The following HTR5A variants were observed in gnomAD, a reference collection of about 807,000 sequenced individuals.
HTR5A encodes the protein 5-hydroxytryptamine receptor 5A.
In HTR5A, 21 loss-of-function variants were observed where a neutral mutation model predicts 24.3. The observed-to-expected ratio is 0.86, with a 90% CI of 0.61 to 1.24. The LOEUF is 1.24. Among genes scored for constraint, HTR5A ranks in the 50% most tolerant of loss-of-function variants. The pLI is 0.00. For synonymous variants in HTR5A, 260 were observed against 213.7 expected, an observed-to-expected ratio of 1.22 and a Z score of -1.89; for missense variants, 497 against 489.5, an observed-to-expected ratio of 1.02 and a Z score of -0.15.
chr7:155,084,203 G>A lies in HTR5A; in HGVS notation c.790G>A (p.Ala264Thr), dbSNP rs150067714. The A allele has an allele frequency of 1.4e-4, 225 of 1,613,762 alleles. No homozygotes were observed. The highest frequency in any genetic ancestry group is 8.8e-4 in the African/African-American group (66 of 75,002). Residue 264 changes from alanine (A) to threonine (T), a missense_variant, in exon 2 of 2, where the codon GCC becomes ACC. Transcript: ENST00000287907. Reference protein sequence around the residue: ...QPQMVFTVRHATVTFQPEGDT... With the variant: ...QPQMVFTVRHTTVTFQPEGDT... ...CCAGATGGTGTTCACGGTCCGCCAC[G>A]CCACCGTCACCTTCCAGCCAGAAGG...
intron 1 of HTR5A, among the ~76,000 whole-genome samples, chr7:155,083,624 A>G (rs1238269366): frequency 6.6e-6 from 1 of 152,224 alleles, no homozygotes; most frequent in Admixed American, 6.5e-5. Flanking sequence ...ATAGACCCAG[A>G]GAGAGGTGTC....
Position 155,070,636 on chromosome 7 carries a change from G to T in HTR5A, c.-264G>T, listed in dbSNP as rs1795277929. The T allele has an allele frequency of 3.8e-6, 2 of 520,002 alleles. No individual in the cohort carries two copies. The allele number at this position is 520,002 out of a possible 1,614,324, so 32.2% of individuals were successfully genotyped here. On this transcript the variant is annotated 5_prime_UTR_variant, in exon 1 of 2. It adds an upstream start codon to the 5' untranslated region. Transcript: ENST00000287907. ...GGAGCCCTGGGCTCCTGACAGCTTA[G>T]GCGGGCCCTGGCTGCGACACGCAGC...
In HTR5A at chr7:155,085,644, A is replaced by T. The variant is rs530880099; in HGVS notation, c.*1157A>T. 3 of 152,270 alleles carry T rather than the reference A, an allele frequency of 2.0e-5. No homozygotes were observed. The highest frequency in any genetic ancestry group is 4.1e-4 in the South Asian group (2 of 4,820). 9.4% of individuals were successfully genotyped at this position (152,270 alleles called of 1,614,324 possible). A position where few individuals can be genotyped will look rare whatever the true frequency, so the allele number is the denominator to read the frequency against. On this transcript the variant is annotated 3_prime_UTR_variant, in exon 2 of 2. Coordinates refer to ENST00000287907, the MANE Select transcript of HTR5A (RefSeq NM_024012.4). ...TGGATGATCATGTAAAACCAGTGTC[A>T]TTACACAAAACTTAAAAAAAAATCC...
At chr7:155,073,669 A>G (rs1490773776) in intron 1 of HTR5A, among the ~76,000 whole-genome samples, 1 of 151,812 alleles carries the variant, frequency 6.6e-6, no homozygotes, top group Non-Finnish European at 1.5e-5. Flanking sequence ...TATTCAGGCA[A>G]ATATAATTTA....
At chr7:155,073,202 T>C (rs1248887485) in intron 1 of HTR5A, among the ~76,000 whole-genome samples, 1 of 151,608 alleles carries the variant, frequency 6.6e-6, no homozygotes, top group Non-Finnish European at 1.5e-5. Flanking sequence ...GCGCCTGTAG[T>C]CCCAGCTACT....
chr7:155,073,917 G>GTA (rs10676344), intron 1 of HTR5A, among the ~76,000 whole-genome samples: 3,241 of 130,454 alleles, frequency 0.025, 175 homozygotes, highest in African/African-American at 0.1. Context: ...ATATATATAT[G>GTA]TATATATATA....
rs569514306 is a variant in HTR5A at position 155,087,225 on chromosome 7, G to C, written c.*2738G>C. Reference sequence around the variant, plus strand: ...GACCATATTGTAGGGATTAATTCTTGATAAAAAAAAAGCTTGTTATTTCTC... The same window carrying C: ...GACCATATTGTAGGGATTAATTCTTCATAAAAAAAAAGCTTGTTATTTCTC... On this transcript the variant is annotated 3_prime_UTR_variant, in exon 2 of 2. Coordinates refer to ENST00000287907, the MANE Select transcript of HTR5A (RefSeq NM_024012.4). 9.0e-5 allele frequency among the ~76,000 whole-genome samples: 6 copies of C among 66,478 alleles called. No homozygotes were observed. In the East Asian group the frequency reaches 3.0e-3, roughly 33 times the overall value. 43.6% of individuals were successfully genotyped at this position (66,478 alleles called of 152,430 possible). A position where few individuals can be genotyped will look rare whatever the true frequency, so the allele number is the denominator to read the frequency against.
In HTR5A at chr7:155,084,275, G is replaced by A. The variant is rs1394757118; in HGVS notation, c.862G>A (p.Gly288Ser). 1 of 1,614,110 alleles carries A rather than the reference G, an allele frequency of 6.2e-7. No homozygotes were observed. The highest frequency in any genetic ancestry group is 8.5e-7 in the Non-Finnish European group (1 of 1,180,012). Residue 288 changes from glycine to serine, a missense_variant, in exon 2 of 2, where the codon GGC (glycine) becomes AGC (serine). Physicochemically the swap from Gly to Ser is moderately conservative, Grantham distance 56 (BLOSUM62 0). Coordinates refer to ENST00000287907, the MANE Select transcript of HTR5A (RefSeq NM_024012.4). ...QKEQRAALMV[G>S]ILIGVFVLCW... is the part of the protein sequence containing the mutation. ...GGAGCAGCGGGCCGCCCTCATGGTG[G>A]GCATCCTCATTGGCGTGTTCGTGCT...
At chr7:155,078,751 C>CTTCTTT (rs373271702) in intron 1 of HTR5A, among the ~76,000 whole-genome samples, 1 of 139,222 alleles carries the variant, frequency 7.2e-6, no homozygotes, top group East Asian at 2.1e-4. Context: ...TTCTGTGCTT[C>CTTCTTT]TTTTTTTTTT....
intron 1 of HTR5A, among the ~76,000 whole-genome samples, chr7:155,079,604 T>C (rs6953300): frequency 0.023 from 3,507 of 152,352 alleles, 135 homozygotes; most frequent in African/African-American, 0.077. Context: ...ATTCATCAGA[T>C]GTTTTTCATT....
rs542112656 is a variant in HTR5A at position 155,071,054 on chromosome 7, C to T, written c.155C>T (p.Ala52Val). 6 of 1,610,036 alleles carry T rather than the reference C, an allele frequency of 3.7e-6. No homozygotes were observed. The highest frequency in any genetic ancestry group is 3.3e-5 in the South Asian group (3 of 91,090). The change falls in exon 1 of 2, where the codon GCG becomes GTG. Residue 52 changes from alanine to valine, a missense_variant. Ala to Val is a moderately conservative substitution (Grantham distance 64). Coordinates refer to ENST00000287907, the MANE Select transcript of HTR5A (RefSeq NM_024012.4). ...LILTLLGFLV[A>V]ATFAWNLLVL... Reference sequence around the variant, plus strand: ...CTCACCTTGCTGGGCTTTCTGGTGGCGGCGACGTTCGCCTGGAACCTGCTG... The same window carrying T: ...CTCACCTTGCTGGGCTTTCTGGTGGTGGCGACGTTCGCCTGGAACCTGCTG...
rs775384314 is a variant in HTR5A at position 155,070,475 on chromosome 7, G to C, written c.-425G>C. 472 of 406,166 alleles carry C rather than the reference G, an allele frequency of 1.2e-3. 1 individual carries two copies. Among genetic ancestry groups the C allele is most frequent in the Middle Eastern group, 1.8e-3 (5 of 2,794 alleles). 25.2% of individuals were successfully genotyped at this position (406,166 alleles called of 1,614,324 possible). A position where few individuals can be genotyped will look rare whatever the true frequency, so the allele number is the denominator to read the frequency against. On this transcript the variant is annotated 5_prime_UTR_variant, in exon 1 of 2. Coordinates refer to ENST00000287907, the MANE Select transcript of HTR5A (RefSeq NM_024012.4). ...CTGCCTAGAGAGAAGGGTGGGCAGG[G>C]AGACAACGCGGTGAGAGCGACTGCT...
Position 155,071,305 on chromosome 7 carries a change from G to A in HTR5A, c.406G>A (p.Ala136Thr). Residue 136 changes from alanine to threonine, a missense_variant, in exon 1 of 2, where the codon GCC (alanine) becomes ACC (threonine). By Grantham distance (58) the Ala-to-Thr change is moderately conservative. Coordinates refer to ENST00000287907, the MANE Select transcript of HTR5A (RefSeq NM_024012.4). ...CAGCATCTGGAACGTGACGGCCATAGCCCTGGACCGCTACTGGTCCATCAC... is the reference window on the plus strand; with the variant it reads ...CAGCATCTGGAACGTGACGGCCATAACCCTGGACCGCTACTGGTCCATCAC... ...TASIWNVTAI[A>T]LDRYWSITRH... 1 of 1,610,900 alleles carries A rather than the reference G, an allele frequency of 6.2e-7. No homozygotes were observed. Among genetic ancestry groups the A allele is most frequent in the Non-Finnish European group, 8.5e-7 (1 of 1,180,032 alleles).
rs554013571 is a variant in HTR5A at position 155,073,741 on chromosome 7, C to T, written c.741+2101C>T. Among the ~76,000 whole-genome samples the T allele has an allele frequency of 2.6e-5, 4 of 151,598 alleles. No homozygotes were observed. In the South Asian group the frequency reaches 8.4e-4, roughly 32 times the overall value. On this transcript the variant is annotated intron_variant, in intron 1 of 1. Coordinates refer to ENST00000287907, the MANE Select transcript of HTR5A (RefSeq NM_024012.4). ...TAATTACAATTCCATCCCAAGGCTT[C>T]CTGTAAAAGGATGAAGGGCACTCTC...
rs10676343 is a variant in HTR5A at position 155,073,903 on chromosome 7, A to ATGTGTG, written c.741+2264_741+2265insGTGTGT. On this transcript the variant is annotated intron_variant, in intron 1 of 1. Coordinates refer to ENST00000287907, the MANE Select transcript of HTR5A (RefSeq NM_024012.4). ...TATATATATATGTATATATATATAT[A>ATGTGTG]TATATATATATATGTATATATATAT... Among the ~76,000 whole-genome samples, 386 of 128,306 alleles carry ATGTGTG rather than the reference A, an allele frequency of 3.0e-3. 21 individuals carry two copies. The highest frequency in any genetic ancestry group is 8.0e-3 in the Middle Eastern group (2 of 250). 84.2% of individuals were successfully genotyped at this position (128,306 alleles called of 152,430 possible).
rs1563424138 is a variant in HTR5A, at chr7:155,085,309, G to A, written c.*822G>A. ...ATTTGCTACTGGTTTCACGCGCGTG[G>A]ACTATATTCCAGTGTTTCTAGTCAA... On this transcript the variant is annotated 3_prime_UTR_variant, in exon 2 of 2. Transcript: ENST00000287907. 1.1e-5 allele frequency: 1 copy of A among 90,632 alleles called. No individual in the cohort carries two copies. Among genetic ancestry groups the A allele is most frequent in the African/African-American group, 2.7e-5 (1 of 36,540 alleles). The allele number at this position is 90,632 out of a possible 1,614,324, so 5.6% of individuals were successfully genotyped here. A position where few individuals can be genotyped will look rare whatever the true frequency, so the allele number is the denominator to read the frequency against.
In HTR5A at chr7:155,085,358, G is replaced by GAC. The variant is rs747194756; in HGVS notation, c.*872_*873insCA. ...AAAGACCTTTATCCTCAAATCATGA[G>GAC]ATTAGAGTAAAACAACTGCTGTAAG... On this transcript the variant is annotated 3_prime_UTR_variant, in exon 2 of 2. Transcript: ENST00000287907. 1 of 99,604 alleles carries GAC rather than the reference G, an allele frequency of 1.0e-5. No homozygotes were observed. Among genetic ancestry groups the GAC allele is most frequent in the Non-Finnish European group, 2.8e-5 (1 of 35,786 alleles). 6.2% of individuals were successfully genotyped at this position (99,604 alleles called of 1,614,324 possible). A position where few individuals can be genotyped will look rare whatever the true frequency, so the allele number is the denominator to read the frequency against.
At position 155,071,327 on chromosome 7, in the gene HTR5A, T is replaced by C. The variant is rs758848536; in HGVS notation, c.428T>C (p.Ile143Thr). The C allele has an allele frequency of 8.1e-6, 13 of 1,612,524 alleles. 1 individual carries two copies. The South Asian group carries it at 1.3e-4, about 16-fold the overall frequency. ...TAIALDRYWS[I>T]TRHMEYTLRT... ...ATAGCCCTGGACCGCTACTGGTCCA[T>C]CACGCGCCACATGGAATACACGCTC... The change falls in exon 1 of 2, where the codon ATC becomes ACC. Residue 143 changes from isoleucine to threonine, a missense_variant. Transcript: ENST00000287907.
intron 1 of HTR5A, among the ~76,000 whole-genome samples, chr7:155,072,525 A>G (rs1194512144): frequency 1.3e-5 from 2 of 152,134 alleles, no homozygotes; most frequent in Admixed American, 6.5e-5. Context: ...GTTAACTCTT[A>G]ATAATCTGAC....
Sources: gnomAD v4.1 joint callset for allele counts (sites outside exome capture counted in the v4.1 genomes callset) on GRCh38, gnomAD v4.1.1 for gene constraint, MANE v1.5 for transcripts, NCBI Gene and HGNC (gene_info 2026-07-23, HGNC 2026-07-21) for gene names.